Variants in RALGPS1 observed in about 807,000 individuals in gnomAD.
RALGPS1 encodes ras-specific guanine nucleotide-releasing factor RalGPS1.
In RALGPS1, 19 loss-of-function variants were observed where a neutral mutation model predicts 78.8. The observed-to-expected ratio is 0.24, with a 90% confidence interval of 0.17 to 0.35. The LOEUF is 0.35. Among genes scored for constraint, RALGPS1 ranks in the 10% least tolerant of loss-of-function variants. The pLI is 1.00. For missense variants in RALGPS1, 454 were observed against 688.3 expected, an observed-to-expected ratio of 0.66 and a Z score of 3.81; for synonymous variants, 228 against 256.3, an observed-to-expected ratio of 0.89 and a Z score of 1.06.
chr9:126,977,854 G>A, intron 4 of RALGPS1, 109 bp downstream of exon 4: 1 of 739,370 alleles, frequency 1.4e-6, no homozygotes, highest in Non-Finnish European at 2.3e-6. Flanking sequence ...CTCTATAAAT[G>A]CATGTTATCC....
intron 1 of RALGPS1, among the ~76,000 whole-genome samples, chr9:126,925,741 AGGAGT>A (rs2035216252): frequency 6.6e-6 from 1 of 152,276 alleles, no homozygotes; most frequent in Non-Finnish European, 1.5e-5. Flanking sequence ...TCTGCAAAAG[AGGAGT>A]ATAAGGTGCT....
chr9:127,029,981 A>T (rs1474896630), intron 4 of RALGPS1, among the ~76,000 whole-genome samples: 2 of 152,192 alleles, frequency 1.3e-5, no homozygotes, highest in African/African-American at 4.8e-5. Flanking sequence ...GGGTATTAAG[A>T]CTAAGTTTTT....
At chr9:126,918,246 GTTCGTAAACATACATAA>G (rs1179453585) in intron 1 of RALGPS1, among the ~76,000 whole-genome samples, 1 of 152,172 alleles carries the variant, frequency 6.6e-6, no homozygotes, top group East Asian at 1.9e-4. Context: ...TTCAATTTTT[GTTCGTAAACATACATAA>G]TTCTTCATGG....
chr9:127,078,151 A>G (rs1426760664), intron 8 of RALGPS1, among the ~76,000 whole-genome samples: 10 of 152,208 alleles, frequency 6.6e-5, no homozygotes, highest in Admixed American at 5.2e-4. Flanking sequence ...CTTCCCAGTC[A>G]ACAGAATGAT....
chr9:126,935,832 C>G (rs562152832), intron 1 of RALGPS1, among the ~76,000 whole-genome samples: 1 of 152,300 alleles, frequency 6.6e-6, no homozygotes, highest in African/African-American at 2.4e-5. Context: ...GACTCAAGGT[C>G]CGTCTCTGGC....
chr9:127,158,696 A>G (rs2058840041), intron 8 of RALGPS1, among the ~76,000 whole-genome samples: 1 of 149,916 alleles, frequency 6.7e-6, no homozygotes, highest in Non-Finnish European at 1.5e-5. Context: ...CTAGTTCTAT[A>G]TAATGAATAC....
At chr9:127,018,585 T>G (rs1026384567) in intron 4 of RALGPS1, among the ~76,000 whole-genome samples, 1 of 150,778 alleles carries the variant, frequency 6.6e-6, no homozygotes, top group African/African-American at 2.4e-5. Context: ...GTGAGCTGAG[T>G]TTGTGCTGCT....
At chr9:127,050,278 C>T in intron 6 of RALGPS1, 146 bp downstream of exon 6, 1 of 712,638 alleles carries the variant, frequency 1.4e-6, no homozygotes, top group Non-Finnish European at 2.4e-6. Flanking sequence ...GCTTGACTTC[C>T]CTAGGCAGAG....
At chr9:126,916,323 GCTGCTGCAAC>G (rs1372823157) in intron 1 of RALGPS1, among the ~76,000 whole-genome samples, 2 of 152,208 alleles carry the variant, frequency 1.3e-5, no homozygotes, top group Non-Finnish European at 2.9e-5. Context: ...CTCTGAGGGA[GCTGCTGCAAC>G]GCAGGGAGCA....
intron 11 of RALGPS1, among the ~76,000 whole-genome samples, chr9:127,186,321 T>C (rs970464353): frequency 6.6e-6 from 1 of 152,232 alleles, no homozygotes; most frequent in African/African-American, 2.4e-5. Flanking sequence ...TCCTCTGAGA[T>C]AGTCAAGCCA....
chr9:127,146,086 T>C (rs1406928767), intron 8 of RALGPS1, among the ~76,000 whole-genome samples: 1 of 152,162 alleles, frequency 6.6e-6, no homozygotes, highest in Non-Finnish European at 1.5e-5. Context: ...ATTTCAAACT[T>C]TTATTTTAGA....
intron 8 of RALGPS1, among the ~76,000 whole-genome samples, chr9:127,105,888 G>A (rs2054170798): frequency 6.6e-6 from 1 of 152,214 alleles, no homozygotes; most frequent in Non-Finnish European, 1.5e-5. Context: ...TAGGGGCTCA[G>A]CAAATGTTGG....
At chr9:127,179,106 A>G (rs1368887822) in intron 11 of RALGPS1, among the ~76,000 whole-genome samples, 1 of 152,240 alleles carries the variant, frequency 6.6e-6, no homozygotes, top group African/African-American at 2.4e-5. Flanking sequence ...CCTTGGGAGA[A>G]GTGCTGATGC....
chr9:126,977,936 C>T (rs981418559), intron 4 of RALGPS1, 191 bp downstream of exon 4: 3 of 477,258 alleles, frequency 6.3e-6, no homozygotes, highest in Non-Finnish European at 1.1e-5. Flanking sequence ...CAGAGAATGT[C>T]TCCCGTCTGG....
chr9:127,039,332 TC>T lies in RALGPS1; in HGVS notation c.300+4819del, dbSNP rs775869261. On this transcript the variant is annotated intron_variant, in intron 5 of 18. Transcript: ENST00000259351. ...TGAGGGAATGCTACAGAATGAGTCT[TC>T]TAAGACAGGGCTAAAAAAGAGTCCT... 2.0e-4 allele frequency among the ~76,000 whole-genome samples: 30 copies of T among 152,270 alleles called. 1 individual carries two copies. In the East Asian group the frequency reaches 5.6e-3, roughly 28 times the overall value.
intron 4 of RALGPS1, among the ~76,000 whole-genome samples, chr9:127,003,067 T>C (rs1451944170): frequency 6.6e-6 from 1 of 152,166 alleles, no homozygotes; most frequent in African/African-American, 2.4e-5. Flanking sequence ...CCACCAACAG[T>C]GTAAAAGTGT....
chr9:126,979,710 C>T (rs2041062866), intron 4 of RALGPS1, among the ~76,000 whole-genome samples: 1 of 152,178 alleles, frequency 6.6e-6, no homozygotes, highest in South Asian at 2.1e-4. Flanking sequence ...CAGGGTGCTG[C>T]AGTTTGGAAG....
In RALGPS1 at chr9:127,024,253, G is replaced by A. The variant is rs534683548; in HGVS notation, c.217-10178G>A. On this transcript the variant is annotated intron_variant, in intron 4 of 18. Coordinates refer to ENST00000259351, the MANE Select transcript of RALGPS1 (RefSeq NM_014636.3). Reference sequence around the variant, plus strand: ...AAAATTATTTTTTCCAAGTGATCTTGTACATGATAAATAGTACAGGAAAGC... The same window carrying A: ...AAAATTATTTTTTCCAAGTGATCTTATACATGATAAATAGTACAGGAAAGC... Among the ~76,000 whole-genome samples the A allele has an allele frequency of 3.3e-5, 5 of 151,716 alleles. No individual in the cohort carries two copies. The South Asian group carries it at 6.3e-4, about 19-fold the overall frequency.
At chr9:126,959,064 C>CTTTT (rs35067123) in intron 1 of RALGPS1, among the ~76,000 whole-genome samples, 1 of 136,332 alleles carries the variant, frequency 7.3e-6, no homozygotes, top group African/African-American at 2.7e-5. Context: ...TCTTCTTCTT[C>CTTTT]TTTTTTTTTT....
Sources: allele counts gnomAD v4.1 joint callset (sites outside exome capture counted in the v4.1 genomes callset), GRCh38; gene constraint gnomAD v4.1.1; transcripts MANE v1.5; gene names NCBI Gene and HGNC (gene_info 2026-07-23, HGNC 2026-07-21).